Variants in AK9 observed in about 807,000 individuals in gnomAD.
The protein encoded by AK9 is adenylate kinase 9, also known as adenylate kinase domain containing 1.
In AK9, 191 loss-of-function variants were observed where a neutral mutation model predicts 239.6. The observed-to-expected ratio is 0.80, with a 90% CI of 0.71 to 0.90. AK9 has a LOEUF of 0.90. Ranked by LOEUF, AK9 falls within the 40% of genes least tolerant of loss-of-function variation. AK9 has a pLI of 0.00. For missense variants in AK9, 1,995 were observed against 2,214.7 expected (o/e 0.90, Z 1.99); for synonymous variants, 689 against 721.0 (o/e 0.96, Z 0.71).
At chr6:109,567,572 C>G (rs555864313) in intron 21 of AK9, among the ~76,000 whole-genome samples, 44 of 151,860 alleles carry the variant, frequency 2.9e-4, no homozygotes, top group African/African-American at 8.7e-4. Flanking sequence ...TCTGAGTTCA[C>G]GTCCTTTGTA....
intron 15 of AK9, among the ~76,000 whole-genome samples, chr6:109,613,931 G>A (rs1361099312): frequency 6.6e-6 from 1 of 152,014 alleles, no homozygotes; most frequent in Non-Finnish European, 1.5e-5. Context: ...TATAACATTG[G>A]AAACATTCAA....
chr6:109,497,842 C>A lies in AK9; in HGVS notation c.5170G>T (p.Glu1724Ter). The change falls in exon 37 of 41, where the codon GAG becomes TAG. Residue 1724 changes from glutamate (E) to a stop codon, truncating the protein, a stop_gained. Transcript: ENST00000424296. LOFTEE classifies it high-confidence loss of function. ...ELKSRFPKCA[E>*]LQGYCPVTYK... ...GTCACTGGACAGTAGCCCTGGAGCT[C>A]CGCACACTTAGGGAATCGACTCTTC... 1 of 1,613,932 alleles carries A rather than the reference C, an allele frequency of 6.2e-7. No homozygotes were observed. Among genetic ancestry groups the A allele is most frequent in the Non-Finnish European group, 8.5e-7 (1 of 1,179,860 alleles).
intron 35 of AK9, among the ~76,000 whole-genome samples, chr6:109,503,693 T>C (rs1365755070): frequency 6.6e-6 from 1 of 152,142 alleles, no homozygotes; most frequent in Non-Finnish European, 1.5e-5. Flanking sequence ...GGCACTGGAA[T>C]CATGTAGTGG....
At chr6:109,680,079 G>T (rs1772388178) in intron 1 of AK9, among the ~76,000 whole-genome samples, 2 of 152,132 alleles carry the variant, frequency 1.3e-5, no homozygotes, top group African/African-American at 2.4e-5. Context: ...GCCAGCATGG[G>T]AACAAAACTG....
chr6:109,684,656 C>T (rs575151543), intron 1 of AK9, among the ~76,000 whole-genome samples: 1,998 of 149,328 alleles, frequency 0.013, 32 homozygotes, highest in African/African-American at 0.048. Context: ...GGGCGGATCA[C>T]GAGGTCAGGA....
In AK9 at chr6:109,614,213, G is replaced by A. The variant is rs1793895726; in HGVS notation, c.1579C>T (p.His527Tyr). 7 of 1,551,290 alleles carry A rather than the reference G, an allele frequency of 4.5e-6. No homozygotes were observed. The South Asian group carries it at 7.1e-5, about 16-fold the overall frequency. The change falls in exon 15 of 41, where the codon CAT becomes TAT. Residue 527 changes from histidine (H) to tyrosine (Y), a missense_variant. By Grantham distance (83) the His-to-Tyr change is moderately conservative. Around this residue, in one of 5 missense-constraint regions of AK9, gnomAD observed 1,290 missense variants for 1,392.7 expected, o/e 0.93. Transcript: ENST00000424296. Reference sequence around the variant, plus strand: ...TTATCAACTTTAGCAGCTTGATCATGGAGGACATTTTCTGACTTTGTTTTG... The same window carrying A: ...TTATCAACTTTAGCAGCTTGATCATAGAGGACATTTTCTGACTTTGTTTTG... The part of the protein sequence containing the change: ...EAKTKSENVL[H>Y]DQAAKVDKDD...
At chr6:109,655,778 G>A (rs550140469) in intron 8 of AK9, among the ~76,000 whole-genome samples, 1 of 152,272 alleles carries the variant, frequency 6.6e-6, no homozygotes, top group East Asian at 1.9e-4. Context: ...AGCCACTTAA[G>A]GAGTAGTCAA....
intron 32 of AK9, 32 bp downstream of exon 32, chr6:109,514,192 C>G: frequency 6.5e-7 from 1 of 1,532,442 alleles, no homozygotes; most frequent in Non-Finnish European, 8.8e-7. Context: ...TTCTTTTATG[C>G]TTGAGGAAAA....
In AK9 at chr6:109,543,828, T is replaced by C. The variant is rs148673257; in HGVS notation, c.3226-1657A>G. Among the ~76,000 whole-genome samples, 3 of 152,152 alleles carry C rather than the reference T, an allele frequency of 2.0e-5. No individual in the cohort carries two copies. The East Asian group carries it at 5.9e-4, about 30-fold the overall frequency. On this transcript the variant is annotated intron_variant, in intron 26 of 40. Coordinates refer to ENST00000424296, the MANE Select transcript of AK9 (RefSeq NM_001145128.3). ...ATAGCTGAAAAACATTTAAAGAATA[T>C]GTCTGAAGGCCAGGCACAGGTGGCT...
intron 29 of AK9, chr6:109,527,606 G>A (rs376351571): frequency 1.3e-5 from 2 of 151,562 alleles, no homozygotes; most frequent in East Asian, 3.9e-4. Context: ...CATCAAAGGA[G>A]TTGGAAAAAA....
In AK9 at chr6:109,550,241, A is replaced by G. The variant is rs761308035; in HGVS notation, c.2813T>C (p.Val938Ala). ...HLGDTKHFCP[V>A]VLKENFILQP... ...CAGGATGAAGTTTTCTTTGAGGACC[A>G]CCGGACAAAAGTGTTTTGTGTCTCC... The change falls in exon 25 of 41, where the codon GTG becomes GCG. Residue 938 changes from valine (V) to alanine (A), a missense_variant. Transcript: ENST00000424296. 4.6e-5 allele frequency: 75 copies of G among 1,613,256 alleles called. 5 individuals are homozygous for G. In the South Asian group the frequency reaches 8.1e-4, roughly 17 times the overall value.
chr6:109,664,585 C>T (rs940139264), intron 5 of AK9, among the ~76,000 whole-genome samples: 10 of 151,888 alleles, frequency 6.6e-5, no homozygotes, highest in Non-Finnish European at 1.2e-4. Flanking sequence ...CTACCACGCC[C>T]GGCTAATTTT....
intron 21 of AK9, among the ~76,000 whole-genome samples, chr6:109,569,643 A>C (rs1787121325): frequency 6.6e-6 from 1 of 152,212 alleles, no homozygotes; most frequent in South Asian, 2.1e-4. Flanking sequence ...ACTTCTCAAA[A>C]GAAGACATTT....
chr6:109,542,952 A>G (rs1221822750), intron 26 of AK9, among the ~76,000 whole-genome samples: 3 of 152,126 alleles, frequency 2.0e-5, no homozygotes, highest in Non-Finnish European at 1.5e-5. Context: ...ACCTTTTTCA[A>G]TTTATCACAC....
intron 35 of AK9, among the ~76,000 whole-genome samples, chr6:109,500,825 T>C (rs1777532217): frequency 6.6e-6 from 1 of 152,014 alleles, no homozygotes; most frequent in Admixed American, 6.6e-5. Context: ...TAAGACCAGC[T>C]TGGGCAACAT....
intron 17 of AK9, among the ~76,000 whole-genome samples, chr6:109,595,971 G>T (rs1761999910): frequency 6.6e-6 from 1 of 151,662 alleles, no homozygotes; most frequent in African/African-American, 2.4e-5. Context: ...TGCACATTCT[G>T]CACATATATC....
intron 33 of AK9, among the ~76,000 whole-genome samples, chr6:109,508,240 T>G (rs1778319038): frequency 6.6e-6 from 1 of 152,224 alleles, no homozygotes; most frequent in African/African-American, 2.4e-5. Context: ...GTTGTTTTTT[T>G]AATCAAGAGT....
intron 27 of AK9, 130 bp downstream of exon 27, chr6:109,541,917 G>A (rs1782948322): frequency 1.2e-6 from 1 of 816,094 alleles, no homozygotes; most frequent in East Asian, 3.0e-5. Flanking sequence ...TGTATCTCAA[G>A]TGAAAAATCA....
chr6:109,549,394 A>G (rs760837384), intron 25 of AK9, among the ~76,000 whole-genome samples: 102 of 152,264 alleles, frequency 6.7e-4, no homozygotes, highest in Admixed American at 1.7e-3. Context: ...AAAGTTCACC[A>G]ATCCCTGAAT....
Sources: allele counts gnomAD v4.1 joint callset (sites outside exome capture counted in the v4.1 genomes callset), GRCh38; gene constraint gnomAD v4.1.1; regional missense constraint gnomAD v4.1.1; transcripts MANE v1.5; gene names NCBI Gene and HGNC (gene_info 2026-07-23, HGNC 2026-07-21).